Variants in USP25 observed in about 807,000 individuals in gnomAD.
USP25 encodes the protein ubiquitin carboxyl-terminal hydrolase 25.
Under a neutral mutation model 158.5 loss-of-function variants are expected in USP25, and 85 were observed. The ratio of observed to expected loss-of-function variants is 0.54; its 90% CI spans 0.45 to 0.64. The LOEUF (loss-of-function observed/expected upper bound fraction) is 0.64, where lower values mean the gene tolerates loss of function less well. Ranked by LOEUF, USP25 falls within the 30% of genes least tolerant of loss-of-function variation. The probability of loss-of-function intolerance (pLI) is 0.00; values close to 1 mark genes in which losing one functional copy is unlikely to be tolerated. For synonymous variants in USP25, 464 were observed against 460.4 expected, an observed-to-expected ratio of 1.01 and a Z score of -0.10; for missense variants, 1,242 against 1,327.3, an observed-to-expected ratio of 0.94 and a Z score of 1.00.
chr21:15,810,249 T>C (rs1331022329), intron 8 of USP25, among the ~76,000 whole-genome samples: 1 of 152,112 alleles, frequency 6.6e-6, no homozygotes, highest in African/African-American at 2.4e-5. Flanking sequence ...GGGGTTCTTG[T>C]AAGAATTAAG....
chr21:15,849,198 C>G (rs1027506931), intron 19 of USP25, among the ~76,000 whole-genome samples: 4 of 152,114 alleles, frequency 2.6e-5, no homozygotes, highest in Non-Finnish European at 5.9e-5. Context: ...TTAACACTAT[C>G]TTTTTTGCAA....
chr21:15,874,286 A>G, intron 23 of USP25, 117 bp from the exon 24 acceptor site: 1 of 933,194 alleles, frequency 1.1e-6, no homozygotes, highest in Non-Finnish European at 1.5e-6. Context: ...GATATTTTTT[A>G]TTATAATGTA....
At chr21:15,850,174 A>G (rs17307197) in intron 20 of USP25, among the ~76,000 whole-genome samples, 11,895 of 152,148 alleles carry the variant, frequency 0.078, 518 homozygotes, top group East Asian at 0.1. Flanking sequence ...TGAGGACATT[A>G]ATGAACAATA....
intron 20 of USP25, among the ~76,000 whole-genome samples, chr21:15,852,390 T>G (rs1269746074): frequency 6.6e-6 from 1 of 152,170 alleles, no homozygotes; most frequent in Non-Finnish European, 1.5e-5. Context: ...TTGGGCAAAT[T>G]ATTCAATCTT....
intron 4 of USP25, among the ~76,000 whole-genome samples, chr21:15,782,259 G>A (rs1056275280): frequency 1.7e-4 from 26 of 152,242 alleles, no homozygotes; most frequent in African/African-American, 6.3e-4. Flanking sequence ...CAGTGGGCCT[G>A]TGTGAACTTG....
At position 15,842,476 on chromosome 21, in the gene USP25, T is replaced by G. The variant is rs1287070729; in HGVS notation, c.2273T>G (p.Ile758Ser). The G allele has an allele frequency of 1.2e-6, 2 of 1,613,664 alleles. No individual in the cohort carries two copies. Among genetic ancestry groups the G allele is most frequent in the East Asian group, 4.5e-5 (2 of 44,876 alleles). Residue 758 changes from isoleucine to serine, a missense_variant, in exon 18 of 26, where the codon ATT (isoleucine) becomes AGT (serine). By Grantham distance (142) the Ile-to-Ser change is moderately radical. Transcript: ENST00000400183. Reference sequence around the variant, plus strand: ...TCAAAGCACTTGAAAGAAGAAACTATTCAAATAATTACCAAGGCATCACAT... The same window carrying G: ...TCAAAGCACTTGAAAGAAGAAACTAGTCAAATAATTACCAAGGCATCACAT... The part of the protein sequence containing the change: ...DFSKHLKEET[I>S]QIITKASHEH...
intron 14 of USP25, among the ~76,000 whole-genome samples, chr21:15,830,127 A>C (rs933112780): frequency 2.6e-5 from 4 of 152,192 alleles, no homozygotes; most frequent in Non-Finnish European, 5.9e-5. Context: ...TGGTGATTAT[A>C]GTCGATTTTT....
At chr21:15,742,953 G>GT (rs1489915674) in intron 1 of USP25, among the ~76,000 whole-genome samples, 2 of 152,214 alleles carry the variant, frequency 1.3e-5, no homozygotes, top group Admixed American at 6.5e-5. Context: ...TGAGGGGAAC[G>GT]TGGTGGAACC....
At chr21:15,859,470 C>T (rs1397722238) in intron 20 of USP25, among the ~76,000 whole-genome samples, 2 of 152,178 alleles carry the variant, frequency 1.3e-5, no homozygotes, top group African/African-American at 2.4e-5. Context: ...GCTGGGATTA[C>T]AGGCGTGAGC....
At chr21:15,793,326 T>G (rs538691592) in intron 5 of USP25, among the ~76,000 whole-genome samples, 1 of 151,536 alleles carries the variant, frequency 6.6e-6, no homozygotes, top group South Asian at 2.1e-4. Context: ...GATATAGGGA[T>G]AATGACCTTT....
In USP25 at chr21:15,791,910, C is replaced by CT. The variant is rs2035610187; in HGVS notation, c.555+249dup. ...TTCACTTATTTGGAATCAATTTATC[C>CT]TTTCCTTCTGCTTTTAGGAATTGTT... On this transcript the variant is annotated intron_variant, in intron 5 of 25. Transcript: ENST00000400183. Among the ~76,000 whole-genome samples the CT allele has an allele frequency of 4.0e-5, 6 of 151,828 alleles. No homozygotes were observed. In the South Asian group the frequency reaches 1.0e-3, roughly 26 times the overall value.
At chr21:15,731,781 A>G (rs2030935237) in intron 1 of USP25, among the ~76,000 whole-genome samples, 1 of 152,198 alleles carries the variant, frequency 6.6e-6, no homozygotes, top group African/African-American at 2.4e-5. Context: ...TTTCCTTCCT[A>G]ATCCTCCCTA....
chr21:15,823,941 C>T, intron 10 of USP25, 98 bp from the exon 11 acceptor site: 7 of 1,205,478 alleles, frequency 5.8e-6, no homozygotes, highest in Non-Finnish European at 8.2e-6. Flanking sequence ...TGTGGTGATA[C>T]ATATAACAAT....
chr21:15,739,836 A>G (rs1454735203), intron 1 of USP25, among the ~76,000 whole-genome samples: 1 of 152,212 alleles, frequency 6.6e-6, no homozygotes, highest in Admixed American at 6.5e-5. Flanking sequence ...TGAAAGTTGA[A>G]TTTATAAAAG....
At chr21:15,786,751 A>G (rs2035298331) in intron 4 of USP25, among the ~76,000 whole-genome samples, 1 of 152,106 alleles carries the variant, frequency 6.6e-6, no homozygotes, top group Non-Finnish European at 1.5e-5. Context: ...TATTCAACAT[A>G]GTACTGGAAG....
intron 17 of USP25, among the ~76,000 whole-genome samples, chr21:15,841,756 C>G (rs1482048587): frequency 6.6e-6 from 1 of 152,164 alleles, no homozygotes; most frequent in Non-Finnish European, 1.5e-5. Context: ...CAGAGACTCA[C>G]TGAGATAAAC....
chr21:15,777,178 A>G (rs965810030), intron 3 of USP25, among the ~76,000 whole-genome samples: 2 of 152,168 alleles, frequency 1.3e-5, no homozygotes, highest in African/African-American at 4.8e-5. Context: ...CATCAAGGCT[A>G]TTTTTTATTA....
chr21:15,823,056 G>T (rs1244681530), intron 10 of USP25, among the ~76,000 whole-genome samples: 1 of 151,886 alleles, frequency 6.6e-6, no homozygotes, highest in Non-Finnish European at 1.5e-5. Flanking sequence ...GCTTTTTTTG[G>T]ATGTTCAAAT....
intron 4 of USP25, among the ~76,000 whole-genome samples, chr21:15,787,787 T>G (rs1040386985): frequency 1.3e-5 from 2 of 151,828 alleles, no homozygotes; most frequent in African/African-American, 4.8e-5. Context: ...TGTTTCTCAG[T>G]GAGTGTAATA....
Sources: gnomAD v4.1 joint callset for allele counts (sites outside exome capture counted in the v4.1 genomes callset) on GRCh38, gnomAD v4.1.1 for gene constraint, MANE v1.5 for transcripts, NCBI Gene and HGNC (gene_info 2026-07-23, HGNC 2026-07-21) for gene names.